RPA1: variants seen among roughly 807,000 people sequenced by gnomAD.
The protein encoded by RPA1 is replication protein A 70 kDa DNA-binding subunit.
Under a neutral mutation model 83.0 loss-of-function variants are expected in RPA1, and 49 were observed. That is an observed-to-expected ratio of 0.59 (90% CI 0.47 to 0.75). RPA1 has a LOEUF of 0.75. Among genes scored for constraint, RPA1 ranks in the 30% least tolerant of loss-of-function variants. The pLI is 0.00. For missense variants in RPA1, 693 were observed against 776.1 expected (o/e 0.89, Z 1.27); for synonymous variants, 279 against 281.8 (o/e 0.99, Z 0.10).
chr17:1,849,604 A>G (rs1000931817), intron 4 of RPA1, among the ~76,000 whole-genome samples: 3 of 145,838 alleles, frequency 2.1e-5, no homozygotes, highest in African/African-American at 2.5e-5. Flanking sequence ...CCTTATTCTC[A>G]TATTTGTCAT....
chr17:1,894,951 A>G, intron 15 of RPA1, 58 bp from the exon 16 acceptor site: 1 of 1,359,542 alleles, frequency 7.4e-7, no homozygotes, highest in Non-Finnish European at 1.0e-6. Flanking sequence ...AAGTCTTATC[A>G]GTATTTGCAA....
intron 12 of RPA1, 106 bp from the exon 13 acceptor site, chr17:1,883,706 C>A: frequency 7.0e-7 from 1 of 1,438,242 alleles, no homozygotes; most frequent in South Asian, 1.2e-5. Context: ...GAAAGCTGGG[C>A]GGGTGGTGGG....
chr17:1,882,647 A>C (rs1326325947), intron 12 of RPA1, among the ~76,000 whole-genome samples: 1 of 152,184 alleles, frequency 6.6e-6, no homozygotes, highest in East Asian at 1.9e-4. Flanking sequence ...CCTGGGTGAC[A>C]AAGCAAGACT....
At chr17:1,872,635 G>A in intron 6 of RPA1, 109 bp downstream of exon 6, 8 of 1,445,048 alleles carry the variant, frequency 5.5e-6, no homozygotes, top group Non-Finnish European at 7.6e-6. Context: ...ATTCATTACA[G>A]GGTTGTGTCT....
At chr17:1,849,538 C>T (rs939650550) in intron 4 of RPA1, among the ~76,000 whole-genome samples, 2 of 151,800 alleles carry the variant, frequency 1.3e-5, no homozygotes, top group Admixed American at 1.3e-4. Context: ...ATGATCTGCC[C>T]ACCTCGGCCT....
chr17:1,889,637 G>A (rs552709911), intron 14 of RPA1, among the ~76,000 whole-genome samples: 99 of 152,038 alleles, frequency 6.5e-4, no homozygotes, highest in Non-Finnish European at 1.3e-3. Flanking sequence ...CACTGCACCC[G>A]GCCTTAAGAT....
At chr17:1,869,972 G>A (rs901247347) in intron 5 of RPA1, among the ~76,000 whole-genome samples, 8 of 152,120 alleles carry the variant, frequency 5.3e-5, no homozygotes, top group Non-Finnish European at 1.2e-4. Context: ...CTCACAACTA[G>A]AGTTGCGGCT....
At chr17:1,860,682 T>C (rs1269227162) in intron 5 of RPA1, among the ~76,000 whole-genome samples, 1 of 152,170 alleles carries the variant, frequency 6.6e-6, no homozygotes, top group Non-Finnish European at 1.5e-5. Flanking sequence ...TTCTGGTGTC[T>C]GTGTTAGGTC....
At chr17:1,858,689 T>A (rs1726036241) in intron 5 of RPA1, among the ~76,000 whole-genome samples, 2 of 151,758 alleles carry the variant, frequency 1.3e-5, no homozygotes, top group South Asian at 2.1e-4. Context: ...GGTCTTGAAC[T>A]CCTGCCCTCA....
chr17:1,874,032 T>TATATATACACACACAC (rs1171343408), intron 6 of RPA1, among the ~76,000 whole-genome samples: 4 of 79,258 alleles, frequency 5.0e-5, no homozygotes, highest in African/African-American at 2.5e-4. Context: ...TATATATATA[T>TATATATACACACACAC]ACACACACAC....
chr17:1,866,662 T>C (rs1693278663), intron 5 of RPA1, among the ~76,000 whole-genome samples: 1 of 152,238 alleles, frequency 6.6e-6, no homozygotes, highest in South Asian at 2.1e-4. Context: ...GGTTTTACCA[T>C]GTTGGCCAGG....
At chr17:1,871,893 A>G (rs1483974715) in intron 5 of RPA1, among the ~76,000 whole-genome samples, 4 of 152,178 alleles carry the variant, frequency 2.6e-5, no homozygotes, top group African/African-American at 9.6e-5. Context: ...TTTTCCACCA[A>G]CTGTCAGTTG....
chr17:1,858,443 C>G, intron 5 of RPA1: 3 of 1,405,772 alleles, frequency 2.1e-6, no homozygotes, highest in Non-Finnish European at 3.0e-6. Context: ...AACAGCGCAG[C>G]CATCTTGGGT....
chr17:1,843,876 A>T (rs990759472), intron 2 of RPA1, 44 bp from the exon 3 acceptor site: 1 of 1,549,676 alleles, frequency 6.5e-7, no homozygotes, highest in African/African-American at 1.4e-5. Context: ...ATCCCTGGGG[A>T]CGGGGCAGAC....
Position 1,830,197 on chromosome 17 carries a change from G to A in RPA1, c.33+71G>A, listed in dbSNP as rs538147112. On this transcript the variant is annotated intron_variant, in intron 1 of 16. Coordinates refer to ENST00000254719, the MANE Select transcript of RPA1 (RefSeq NM_002945.5). ...GCCCCGAGCCTCGCGGAGTAGAGAG[G>A]GGGAGGGGAGCCCGGGGCGACGGGG... The A allele has an allele frequency of 1.0e-4, 118 of 1,171,658 alleles. No homozygotes were observed. In the African/African-American group the frequency reaches 1.7e-3, roughly 17 times the overall value. 72.6% of individuals were successfully genotyped at this position (1,171,658 alleles called of 1,614,324 possible).
chr17:1,847,282 T>C (rs1308362384), intron 4 of RPA1, among the ~76,000 whole-genome samples: 1 of 152,244 alleles, frequency 6.6e-6, no homozygotes, highest in Non-Finnish European at 1.5e-5. Flanking sequence ...ACCTTTTATC[T>C]TCCACTCCAG....
At chr17:1,888,942 C>G (rs1434272371) in intron 14 of RPA1, 91 bp downstream of exon 14, 4 of 1,376,766 alleles carry the variant, frequency 2.9e-6, no homozygotes, top group Non-Finnish European at 4.0e-6. Context: ...AGAGACAAAG[C>G]ATTCCTGGTA....
intron 1 of RPA1, among the ~76,000 whole-genome samples, chr17:1,836,251 A>G (rs1050648449): frequency 9.3e-6 from 1 of 107,320 alleles, no homozygotes; most frequent in Non-Finnish European, 2.1e-5. Context: ...AATTGGGGTT[A>G]CAGGTGCACG....
intron 13 of RPA1, among the ~76,000 whole-genome samples, chr17:1,885,261 C>T (rs796932544): frequency 1.8e-4 from 27 of 152,264 alleles, no homozygotes; most frequent in African/African-American, 6.0e-4. Flanking sequence ...GCTCCTTATC[C>T]GTTCAAGTTT....
Sources: gnomAD v4.1 joint callset for allele counts (sites outside exome capture counted in the v4.1 genomes callset) on GRCh38, gnomAD v4.1.1 for gene constraint, MANE v1.5 for transcripts, NCBI Gene and HGNC (gene_info 2026-07-23, HGNC 2026-07-21) for gene names.